FAM171A1: variants seen among roughly 807,000 people sequenced by gnomAD.
FAM171A1 encodes family with sequence similarity 171 member A1.
In FAM171A1, 23 loss-of-function variants were observed where a neutral mutation model predicts 74.9. The ratio of observed to expected loss-of-function variants is 0.31; its 90% CI spans 0.22 to 0.44. FAM171A1 has a LOEUF of 0.44. FAM171A1 is among the 20% of genes least tolerant of loss of function. The pLI, the probability that FAM171A1 is intolerant of heterozygous loss-of-function variation, is 1.00. For missense variants in FAM171A1, 1,162 were observed against 1,159.2 expected (o/e 1.00, Z -0.03); for synonymous variants, 527 against 505.7 (o/e 1.04, Z -0.57).
chr10:15,345,477 C>T (rs1343102594), intron 1 of FAM171A1, among the ~76,000 whole-genome samples: 1 of 152,154 alleles, frequency 6.6e-6, no homozygotes, highest in Non-Finnish European at 1.5e-5. Flanking sequence ...GAAAATGACT[C>T]CATTAAGCAA....
chr10:15,225,647 A>G (rs1412331341), intron 5 of FAM171A1, among the ~76,000 whole-genome samples: 2 of 152,152 alleles, frequency 1.3e-5, no homozygotes, highest in Middle Eastern at 3.2e-3. Flanking sequence ...CGGATGGCAG[A>G]GCACACAGGC....
chr10:15,233,356 T>C (rs536188075), intron 5 of FAM171A1, among the ~76,000 whole-genome samples: 4 of 152,038 alleles, frequency 2.6e-5, no homozygotes, highest in Non-Finnish European at 5.9e-5. Flanking sequence ...TAAGTTGTGA[T>C]CCCATTTTTC....
chr10:15,264,773 C>T (rs1445271807), intron 3 of FAM171A1, among the ~76,000 whole-genome samples: 1 of 151,882 alleles, frequency 6.6e-6, no homozygotes, highest in Non-Finnish European at 1.5e-5. Context: ...CAGTGGGACC[C>T]TGTCTCTTAA....
intron 3 of FAM171A1, among the ~76,000 whole-genome samples, chr10:15,272,674 G>C (rs1234035208): frequency 6.6e-6 from 1 of 152,144 alleles, no homozygotes; most frequent in Non-Finnish European, 1.5e-5. Context: ...TAAAAGAACA[G>C]AAATTATAAC....
At chr10:15,355,626 A>C (rs1201949988) in intron 1 of FAM171A1, among the ~76,000 whole-genome samples, 1 of 152,082 alleles carries the variant, frequency 6.6e-6, no homozygotes, top group Non-Finnish European at 1.5e-5. Flanking sequence ...TGGATTCCTG[A>C]ATCGCTTGAA....
chr10:15,307,816 T>C (rs2131834442), intron 1 of FAM171A1, among the ~76,000 whole-genome samples: 1 of 150,912 alleles, frequency 6.6e-6, no homozygotes, highest in African/African-American at 2.4e-5. Flanking sequence ...TTAATGCCTT[T>C]TTTTTTTTTT....
chr10:15,328,521 C>T (rs896747920), intron 1 of FAM171A1, among the ~76,000 whole-genome samples: 4 of 152,168 alleles, frequency 2.6e-5, no homozygotes, highest in African/African-American at 4.8e-5. Context: ...TACAGAGCGA[C>T]GCGGATACCT....
In FAM171A1 at chr10:15,310,485, C is replaced by T. The variant is rs538894982; in HGVS notation, c.98-26380G>A. On this transcript the variant is annotated intron_variant, in intron 1 of 7. Coordinates refer to ENST00000378116, the MANE Select transcript of FAM171A1 (RefSeq NM_001010924.2). The stretch of plus-strand genomic sequence containing the variant: ...ACCGTGACCAACCTGGCCCCTCTCC[C>T]ACAGCCTAACCTGTTCTGCAACCCA... Among the ~76,000 whole-genome samples the T allele has an allele frequency of 5.9e-4, 90 of 152,288 alleles. 1 individual carries two copies. Among genetic ancestry groups the T allele is most frequent in the African/African-American group, 2.1e-3 (88 of 41,564 alleles).
intron 1 of FAM171A1, among the ~76,000 whole-genome samples, chr10:15,299,524 G>T (rs1409559616): frequency 6.6e-6 from 1 of 151,966 alleles, no homozygotes; most frequent in Non-Finnish European, 1.5e-5. Context: ...TTAGGGCTGG[G>T]ACAAGAGCAA....
intron 5 of FAM171A1, among the ~76,000 whole-genome samples, chr10:15,243,297 T>G (rs560560625): frequency 6.6e-6 from 1 of 152,144 alleles, no homozygotes; most frequent in Non-Finnish European, 1.5e-5. Context: ...GTGATGGCCG[T>G]GGGCCCACCC....
In FAM171A1 at chr10:15,309,342, G is replaced by A. The variant is rs534707448; in HGVS notation, c.98-25237C>T. Among the ~76,000 whole-genome samples, 17 of 152,214 alleles carry A rather than the reference G, an allele frequency of 1.1e-4. No homozygotes were observed. The South Asian group carries it at 3.5e-3, about 32-fold the overall frequency. On this transcript the variant is annotated intron_variant, in intron 1 of 7. Coordinates refer to ENST00000378116, the MANE Select transcript of FAM171A1 (RefSeq NM_001010924.2). The stretch of plus-strand genomic sequence containing the variant: ...CCCACCTCAGCCTCCCGAGTAGCTG[G>A]GACTATAGGCACACACCACCATGTC...
At chr10:15,240,835 T>A in intron 5 of FAM171A1, 1 of 635,702 alleles carries the variant, frequency 1.6e-6, no homozygotes, top group Non-Finnish European at 2.0e-6. Flanking sequence ...AGGGCAGGAG[T>A]CTGAGACCAG....
intron 7 of FAM171A1, among the ~76,000 whole-genome samples, chr10:15,214,938 T>C (rs1416752132): frequency 3.3e-5 from 5 of 152,048 alleles, no homozygotes; most frequent in African/African-American, 1.2e-4. Flanking sequence ...TTTTTGACTT[T>C]TAGTTTTTTT....
intron 1 of FAM171A1, among the ~76,000 whole-genome samples, chr10:15,321,405 T>C (rs986394737): frequency 3.9e-5 from 6 of 152,298 alleles, no homozygotes; most frequent in Non-Finnish European, 7.4e-5. Flanking sequence ...CTGAAATACT[T>C]ACAAACACTT....
rs958839039 is a variant in FAM171A1, at chr10:15,229,804, C to T, written c.755-8744G>A. ...ACCATCACCACCATCACCATCATCA[C>T]CATCACCACCACCATCACCATCATC... On this transcript the variant is annotated intron_variant, in intron 5 of 7. Coordinates refer to ENST00000378116, the MANE Select transcript of FAM171A1 (RefSeq NM_001010924.2). Among the ~76,000 whole-genome samples, 54 of 12,860 alleles carry T rather than the reference C, an allele frequency of 4.2e-3. 1 individual carries two copies. The highest frequency in any genetic ancestry group is 9.7e-3 in the South Asian group (2 of 206). The allele number at this position is 12,860 out of a possible 152,430, so 8.4% of individuals were successfully genotyped here. A position where few individuals can be genotyped will look rare whatever the true frequency, so the allele number is the denominator to read the frequency against.
Position 15,267,900 on chromosome 10 carries a change from C to G in FAM171A1, c.418+7955G>C, listed in dbSNP as rs145671467. On this transcript the variant is annotated intron_variant, in intron 3 of 7. Coordinates refer to ENST00000378116, the MANE Select transcript of FAM171A1 (RefSeq NM_001010924.2). The stretch of plus-strand genomic sequence containing the variant: ...ACAAACACCTCACAGTGCTGCTCCC[C>G]AAGAGTGAGGGACAGTAAAACCACA... 4.8e-3 allele frequency among the ~76,000 whole-genome samples: 701 copies of G among 146,034 alleles called. 9 individuals are homozygous for G. The highest frequency in any genetic ancestry group is 0.016 in the African/African-American group (649 of 39,734).
chr10:15,280,711 G>A (rs561124256), intron 2 of FAM171A1, among the ~76,000 whole-genome samples: 1 of 152,320 alleles, frequency 6.6e-6, no homozygotes, highest in Admixed American at 6.5e-5. Flanking sequence ...TGGGAAAGAA[G>A]GCATTTTTTA....
In FAM171A1 at chr10:15,229,560, C is replaced by CCCATCA. The variant is rs1190067636; in HGVS notation, c.755-8506_755-8501dup. Among the ~76,000 whole-genome samples, 249 of 125,036 alleles carry CCCATCA rather than the reference C, an allele frequency of 2.0e-3. 3 individuals are homozygous for CCCATCA. The highest frequency in any genetic ancestry group is 9.1e-3 in the Middle Eastern group (2 of 220). The allele number at this position is 125,036 out of a possible 152,430, so 82.0% of individuals were successfully genotyped here. A position where few individuals can be genotyped will look rare whatever the true frequency, so the allele number is the denominator to read the frequency against. The stretch of plus-strand genomic sequence containing the variant: ...CATCACCATCATCACCATTGTCACC[C>CCCATCA]CCATCACCATCACCAACGTCATCAT... On this transcript the variant is annotated intron_variant, in intron 5 of 7. Coordinates refer to ENST00000378116, the MANE Select transcript of FAM171A1 (RefSeq NM_001010924.2).
intron 1 of FAM171A1, among the ~76,000 whole-genome samples, chr10:15,316,459 G>C (rs1835423072): frequency 6.6e-6 from 1 of 152,198 alleles, no homozygotes; most frequent in Non-Finnish European, 1.5e-5. Flanking sequence ...GCTTGTAGGA[G>C]AGCATTCCTC....
Sources: allele counts gnomAD v4.1 joint callset (sites outside exome capture counted in the v4.1 genomes callset), GRCh38; gene constraint gnomAD v4.1.1; transcripts MANE v1.5; gene names NCBI Gene and HGNC (gene_info 2026-07-23, HGNC 2026-07-21).